Variants in PIP5K1B observed in about 807,000 individuals in gnomAD.
The protein encoded by PIP5K1B is phosphatidylinositol 4-phosphate 5-kinase type-1 beta.
In PIP5K1B, 42 loss-of-function variants were observed where a neutral mutation model predicts 67.0. The observed-to-expected ratio is 0.63, with a 90% CI of 0.49 to 0.81. The LOEUF is 0.81. PIP5K1B is among the 30% of genes least tolerant of loss of function. The pLI is 0.00. For missense variants in PIP5K1B, 459 were observed against 646.3 expected, an observed-to-expected ratio of 0.71 and a Z score of 3.14; for synonymous variants, 214 against 231.4, an observed-to-expected ratio of 0.92 and a Z score of 0.68.
intron 2 of PIP5K1B, among the ~76,000 whole-genome samples, chr9:68,790,784 A>G (rs995647725): frequency 6.6e-6 from 1 of 152,226 alleles, no homozygotes; most frequent in South Asian, 2.1e-4. Flanking sequence ...TAGGTACTAT[A>G]TAGATAGAAA....
chr9:68,882,303 A>G (rs1432739303), intron 6 of PIP5K1B, among the ~76,000 whole-genome samples: 3 of 152,222 alleles, frequency 2.0e-5, no homozygotes, highest in Non-Finnish European at 2.9e-5. Flanking sequence ...GTGAGAAACC[A>G]TAGAATTCTA....
intron 14 of PIP5K1B, among the ~76,000 whole-genome samples, chr9:68,955,278 C>T (rs1447475551): frequency 6.6e-6 from 1 of 152,202 alleles, no homozygotes; most frequent in Non-Finnish European, 1.5e-5. Context: ...GACAATGTTG[C>T]TTCATAAAGG....
At chr9:68,835,881 C>A (rs1204409382) in intron 4 of PIP5K1B, among the ~76,000 whole-genome samples, 1 of 143,410 alleles carries the variant, frequency 7.0e-6, no homozygotes, top group Non-Finnish European at 1.5e-5. Flanking sequence ...ATAAAAACGA[C>A]AAATTTTCTG....
chr9:68,838,017 T>G (rs1222977362), intron 4 of PIP5K1B, among the ~76,000 whole-genome samples: 1 of 152,024 alleles, frequency 6.6e-6, no homozygotes. Flanking sequence ...CTATTTTTAG[T>G]TGAATATATG....
At chr9:68,935,178 C>G (rs2132608919) in intron 13 of PIP5K1B, 133 bp downstream of exon 13, 1 of 780,702 alleles carries the variant, frequency 1.3e-6, no homozygotes. Context: ...TAAAGGATAG[C>G]TGCAGTGGCC....
At position 68,790,596 on chromosome 9, in the gene PIP5K1B, G is replaced by A. The variant is rs537540679; in HGVS notation, c.-85-27865G>A. Reference sequence around the variant, plus strand: ...TGTACACCCAAACGCACATGAGCGCGCACACACACACACATACACACACGC... The same window carrying A: ...TGTACACCCAAACGCACATGAGCGCACACACACACACACATACACACACGC... On this transcript the variant is annotated intron_variant, in intron 2 of 15. Transcript: ENST00000265382. Among the ~76,000 whole-genome samples, 762 of 151,812 alleles carry A rather than the reference G, an allele frequency of 5.0e-3. 6 individuals are homozygous for A. The highest frequency in any genetic ancestry group is 0.016 in the African/African-American group (648 of 41,406).
chr9:68,864,969 T>G (rs1421928411), intron 5 of PIP5K1B, among the ~76,000 whole-genome samples: 2 of 152,222 alleles, frequency 1.3e-5, no homozygotes, highest in African/African-American at 4.8e-5. Context: ...CTTTACACAT[T>G]TATCTCTGTG....
intron 4 of PIP5K1B, among the ~76,000 whole-genome samples, chr9:68,836,443 AAAC>A (rs1338014805): frequency 6.6e-6 from 1 of 152,214 alleles, no homozygotes; most frequent in Admixed American, 6.5e-5. Context: ...GCTTCATAAA[AAAC>A]AAAACAAGAC....
rs1830653468 is a variant in PIP5K1B, at chr9:68,997,659, AAAT to A, written c.1620+6407_1620+6409del. On this transcript the variant is annotated intron_variant, in intron 15 of 15. Transcript: ENST00000265382. The stretch of plus-strand genomic sequence containing the variant: ...AATGCTTGGCCCCTAAGTTATTGAC[AAAT>A]AATATTTCTAAGACATGTGGAAGAG... Among the ~76,000 whole-genome samples, 2 of 152,214 alleles carry A rather than the reference AAAT, an allele frequency of 1.3e-5. 1 individual carries two copies. The highest frequency in any genetic ancestry group is 4.1e-4 in the South Asian group (2 of 4,828).
At chr9:68,815,655 C>A (rs7035999) in intron 2 of PIP5K1B, among the ~76,000 whole-genome samples, 1 of 151,496 alleles carries the variant, frequency 6.6e-6, no homozygotes, top group South Asian at 2.1e-4. Flanking sequence ...CAGAAAAAAA[C>A]GTGAGTGCGT....
intron 4 of PIP5K1B, among the ~76,000 whole-genome samples, chr9:68,826,552 G>T (rs1453900782): frequency 6.6e-6 from 1 of 152,166 alleles, no homozygotes; most frequent in Non-Finnish European, 1.5e-5. Context: ...GTAGGCAGTG[G>T]CCAGTTTACA....
chr9:68,905,088 G>T (rs1825541766), intron 8 of PIP5K1B, among the ~76,000 whole-genome samples: 1 of 151,956 alleles, frequency 6.6e-6, no homozygotes, highest in Non-Finnish European at 1.5e-5. Flanking sequence ...TTTGTAAAAA[G>T]AACCTACTGG....
At chr9:68,973,074 A>G (rs1829469149) in intron 14 of PIP5K1B, among the ~76,000 whole-genome samples, 1 of 152,242 alleles carries the variant, frequency 6.6e-6, no homozygotes, top group Admixed American at 6.5e-5. Flanking sequence ...TCAGAAAGAT[A>G]AAGTGACTGC....
intron 6 of PIP5K1B, among the ~76,000 whole-genome samples, chr9:68,886,982 C>G (rs1459765913): frequency 6.6e-6 from 1 of 152,200 alleles, no homozygotes; most frequent in African/African-American, 2.4e-5. Flanking sequence ...ACATCTCAGG[C>G]CTTTGCATTT....
chr9:69,008,619 C>T lies in PIP5K1B; in HGVS notation c.*170C>T. The T allele has an allele frequency of 4.4e-6, 3 of 681,678 alleles. No homozygotes were observed. Among genetic ancestry groups the T allele is most frequent in the South Asian group, 3.1e-5 (2 of 63,898 alleles). The allele number at this position is 681,678 out of a possible 1,614,324, so 42.2% of individuals were successfully genotyped here. ...AAGATGTCAACTTCAGGCTGATCAG[C>T]AGATGGGATGTGAAAAATACTACCC... is the stretch of plus-strand genomic sequence containing the variant. On this transcript the variant is annotated 3_prime_UTR_variant, in exon 16 of 16. Coordinates refer to ENST00000265382, the MANE Select transcript of PIP5K1B (RefSeq NM_003558.4).
At chr9:68,827,746 A>G (rs751941649) in intron 4 of PIP5K1B, among the ~76,000 whole-genome samples, 9 of 152,234 alleles carry the variant, frequency 5.9e-5, no homozygotes, top group Admixed American at 3.9e-4. Context: ...GTTTTCTGCC[A>G]TTGGTGGAAC....
intron 15 of PIP5K1B, among the ~76,000 whole-genome samples, chr9:68,996,849 T>C (rs889873855): frequency 1.3e-5 from 2 of 152,194 alleles, no homozygotes; most frequent in Non-Finnish European, 2.9e-5. Flanking sequence ...GAAAGATGGC[T>C]GCCAGAAAAC....
rs1554749541 is a variant in PIP5K1B, at chr9:68,968,715, A to ATTTT, written c.1503-22418_1503-22415dup. Among the ~76,000 whole-genome samples the ATTTT allele has an allele frequency of 1.9e-3, 268 of 142,226 alleles. 1 individual carries two copies. The highest frequency in any genetic ancestry group is 6.7e-3 in the African/African-American group (259 of 38,508). The allele number at this position is 142,226 out of a possible 152,430, so 93.3% of individuals were successfully genotyped here. ...TCCTTGTTTATATATATATATATATATTTTTTTTTTGCATGTGTTGACTAT... is the reference window on the plus strand; with the variant it reads ...TCCTTGTTTATATATATATATATATATTTTTTTTTTTTTTGCATGTGTTGACTAT... On this transcript the variant is annotated intron_variant, in intron 14 of 15. Transcript: ENST00000265382.
chr9:68,859,756 C>T (rs941878244), intron 4 of PIP5K1B, among the ~76,000 whole-genome samples: 5 of 152,172 alleles, frequency 3.3e-5, no homozygotes, highest in Non-Finnish European at 7.3e-5. Flanking sequence ...ACAGAAGGTT[C>T]TTTGTCATCA....
Sources: allele counts gnomAD v4.1 joint callset (sites outside exome capture counted in the v4.1 genomes callset), GRCh38; gene constraint gnomAD v4.1.1; transcripts MANE v1.5; gene names NCBI Gene and HGNC (gene_info 2026-07-23, HGNC 2026-07-21).